The following TMEM14A variants were observed in gnomAD, a reference collection of about 807,000 sequenced individuals.
The protein encoded by TMEM14A is transmembrane protein 14A.
In TMEM14A, 8 loss-of-function variants were observed where a neutral mutation model predicts 11.6. The observed-to-expected ratio is 0.69, with a 90% CI of 0.40 to 1.24. TMEM14A has a LOEUF of 1.24. Among genes scored for constraint, TMEM14A ranks in the 50% most tolerant of loss-of-function variants. The pLI is 0.01. For missense variants in TMEM14A, 108 were observed against 121.9 expected, an observed-to-expected ratio of 0.89 and a Z score of 0.54; for synonymous variants, 34 against 45.5, an observed-to-expected ratio of 0.75 and a Z score of 1.02.
chr6:52,682,793 T>G (rs1369698148), intron 3 of TMEM14A, among the ~76,000 whole-genome samples: 1 of 152,138 alleles, frequency 6.6e-6, no homozygotes, highest in African/African-American at 2.4e-5. Flanking sequence ...GTTTTTAAAT[T>G]GTGGCATTGA....
chr6:52,679,806 C>T (rs1769330587), intron 2 of TMEM14A, among the ~76,000 whole-genome samples: 1 of 132,182 alleles, frequency 7.6e-6, no homozygotes, highest in East Asian at 2.6e-4. Flanking sequence ...CTGATCTCAT[C>T]AAGACTGAAG....
intron 2 of TMEM14A, among the ~76,000 whole-genome samples, chr6:52,680,865 G>GTGTGTGTGT (rs1234782705): frequency 6.7e-6 from 1 of 148,610 alleles, no homozygotes; most frequent in Non-Finnish European, 1.5e-5. Flanking sequence ...TCTGGTGTGT[G>GTGTGTGTGT]TGTGTGTGTT....
chr6:52,677,583 T>C (rs1769282330), intron 2 of TMEM14A, among the ~76,000 whole-genome samples: 1 of 151,946 alleles, frequency 6.6e-6, no homozygotes, highest in Non-Finnish European at 1.5e-5. Context: ...ATATCCAAAG[T>C]TGTCTCTTCA....
At chr6:52,673,818 ATATGT>A (rs1769206311) in intron 1 of TMEM14A, among the ~76,000 whole-genome samples, 1 of 152,224 alleles carries the variant, frequency 6.6e-6, no homozygotes, top group African/African-American at 2.4e-5. Context: ...GACTACAAAT[ATATGT>A]TATAATACTA....
At chr6:52,674,569 T>TGCCTTAGAATGGCACCTAGCAC (rs1261061110) in intron 1 of TMEM14A, among the ~76,000 whole-genome samples, 1 of 152,216 alleles carries the variant, frequency 6.6e-6, no homozygotes, top group Non-Finnish European at 1.5e-5. Flanking sequence ...GCACCTAGAA[T>TGCCTTAGAATGGCACCTAGCAC]GCCTTAGAAT....
chr6:52,679,602 G>T (rs1769327401), intron 2 of TMEM14A, among the ~76,000 whole-genome samples: 1 of 152,176 alleles, frequency 6.6e-6, no homozygotes, highest in African/African-American at 2.4e-5. Context: ...GGAAGGAAAA[G>T]AGCTTAGAGC....
At chr6:52,682,580 G>C (rs1009526657) in intron 3 of TMEM14A, among the ~76,000 whole-genome samples, 1 of 128,142 alleles carries the variant, frequency 7.8e-6, no homozygotes, top group African/African-American at 2.9e-5. Flanking sequence ...ATTTGAAGGA[G>C]AGTGAGAGAT....
chr6:52,684,438 A>G lies in TMEM14A; in HGVS notation c.260+273A>G, dbSNP rs373031207. ...GAAAGAGCTAACTAAACTCAGCCTC[A>G]TTTTTCCTCAAGATTCACCCATCTG... On this transcript the variant is annotated intron_variant, in intron 4 of 4. Transcript: ENST00000211314. 7.2e-5 allele frequency among the ~76,000 whole-genome samples: 11 copies of G among 152,248 alleles called. No individual in the cohort carries two copies. The South Asian group carries it at 1.2e-3, about 17-fold the overall frequency.
At chr6:52,680,577 CTATATATT>C (rs1179037283) in intron 2 of TMEM14A, among the ~76,000 whole-genome samples, 1 of 60,814 alleles carries the variant, frequency 1.6e-5, no homozygotes, top group Non-Finnish European at 4.2e-5. Context: ...TTCTAAGCCA[CTATATATT>C]TATATATTTA....
intron 4 of TMEM14A, among the ~76,000 whole-genome samples, chr6:52,684,401 C>T (rs1769454361): frequency 6.6e-6 from 1 of 152,176 alleles, no homozygotes; most frequent in Non-Finnish European, 1.5e-5. Context: ...GGCATACTTG[C>T]CTTTTTCAGA....
chr6:52,682,015 A>C, intron 3 of TMEM14A, 101 bp downstream of exon 3: 3 of 927,328 alleles, frequency 3.2e-6, no homozygotes, highest in Non-Finnish European at 5.0e-6. Flanking sequence ...GTCAAATGGC[A>C]AATGGCCATA....
intron 1 of TMEM14A, among the ~76,000 whole-genome samples, chr6:52,674,702 A>G (rs1377162820): frequency 2.6e-5 from 4 of 152,060 alleles, no homozygotes; most frequent in Admixed American, 6.6e-5. Flanking sequence ...GCTACATCCT[A>G]CTGTACCACT....
rs1207536315 is a variant in TMEM14A at position 52,686,137 on chromosome 6, A to G, written c.*88A>G. 6 of 1,294,954 alleles carry G rather than the reference A, an allele frequency of 4.6e-6. No individual in the cohort carries two copies. Among genetic ancestry groups the G allele is most frequent in the East Asian group, 2.4e-5 (1 of 41,270 alleles). 80.2% of individuals were successfully genotyped at this position (1,294,954 alleles called of 1,614,324 possible). On this transcript the variant is annotated 3_prime_UTR_variant, in exon 5 of 5. Transcript: ENST00000211314. Reference sequence around the variant, plus strand: ...TTTTGTATTTAAAAGATAAACTTCAATATGGAATGCTAGAAACACAAATAG... The same window carrying G: ...TTTTGTATTTAAAAGATAAACTTCAGTATGGAATGCTAGAAACACAAATAG...
At position 52,681,914 on chromosome 6, in the gene TMEM14A, T is replaced by C. The variant is rs112397916; in HGVS notation, c.172T>C (p.Phe58Leu). 2.0e-5 allele frequency: 33 copies of C among 1,613,602 alleles called. No individual in the cohort carries two copies. In the African/African-American group the frequency reaches 2.5e-4, roughly 12 times the overall value. ...CAAACGAGATGTAAAAGTGTCACTGTGTAAGTAAGGCATTTTTCCTGGTTA... is the reference window on the plus strand; with the variant it reads ...CAAACGAGATGTAAAAGTGTCACTGCGTAAGTAAGGCATTTTTCCTGGTTA... ...NDKRDVKVSL[F>L]TAFFLATIMG... Residue 58 changes from phenylalanine (F) to leucine (L), a missense_variant and splice_region_variant, in exon 3 of 5, where the codon TTT becomes CTT. Coordinates refer to ENST00000211314, the MANE Select transcript of TMEM14A (RefSeq NM_014051.4).
In TMEM14A at chr6:52,681,911, C is replaced by T. The variant is rs1769398619; in HGVS notation, c.169C>T (p.Leu57=). The T allele has an allele frequency of 6.2e-7, 1 of 1,613,688 alleles. No individual in the cohort carries two copies. The highest frequency in any genetic ancestry group is 8.5e-7 in the Non-Finnish European group (1 of 1,179,722). ...TGACAAACGAGATGTAAAAGTGTCA[C>T]TGTGTAAGTAAGGCATTTTTCCTGG... is the stretch of plus-strand genomic sequence containing the variant. ...SNDKRDVKVS[L]FTAFFLATIM... Residue 57 remains leucine, a synonymous_variant, in exon 3 of 5, where the codon CTG becomes TTG. Coordinates refer to ENST00000211314, the MANE Select transcript of TMEM14A (RefSeq NM_014051.4).
At chr6:52,680,597 A>T (rs1278344916) in intron 2 of TMEM14A, among the ~76,000 whole-genome samples, 3 of 97,338 alleles carry the variant, frequency 3.1e-5, no homozygotes, top group African/African-American at 1.1e-4. Flanking sequence ...ATATATTTAT[A>T]TATATATATA....
chr6:52,683,480 CAACAAA>C (rs1391913892), intron 3 of TMEM14A, among the ~76,000 whole-genome samples: 2 of 101,354 alleles, frequency 2.0e-5, no homozygotes, highest in Admixed American at 2.2e-4. Flanking sequence ...ACAACAACAA[CAACAAA>C]AAAAAAAAAA....
intron 1 of TMEM14A, among the ~76,000 whole-genome samples, chr6:52,674,484 T>C (rs1461134888): frequency 6.6e-6 from 1 of 152,196 alleles, no homozygotes; most frequent in Non-Finnish European, 1.5e-5. Context: ...ACTTTCCTCA[T>C]CTGGAAAATG....
At chr6:52,674,730 C>T (rs1468270339) in intron 1 of TMEM14A, among the ~76,000 whole-genome samples, 1 of 152,132 alleles carries the variant, frequency 6.6e-6, no homozygotes, top group African/African-American at 2.4e-5. Flanking sequence ...CACAGATGAG[C>T]TCTCCTGTTT....
Sources: allele counts gnomAD v4.1 joint callset (sites outside exome capture counted in the v4.1 genomes callset), GRCh38; gene constraint gnomAD v4.1.1; transcripts MANE v1.5; gene names NCBI Gene and HGNC (gene_info 2026-07-23, HGNC 2026-07-21).